DPP8: variants seen among roughly 807,000 people sequenced by gnomAD.
DPP8 encodes the protein dipeptidyl peptidase 8.
A neutral mutation model predicts 107.5 loss-of-function variants in DPP8; 31 were observed. That is an observed-to-expected ratio of 0.29 (90% CI 0.22 to 0.39). The LOEUF is 0.39. Among genes scored for constraint, DPP8 ranks in the 10% least tolerant of loss-of-function variants. DPP8 has a pLI of 1.00. For missense variants in DPP8, 842 were observed against 1,076.1 expected (o/e 0.78, Z 3.04); for synonymous variants, 381 against 356.6 (o/e 1.07, Z -0.77).
At chr15:65,449,706 G>A (rs1020379934) in intron 19 of DPP8, among the ~76,000 whole-genome samples, 5 of 152,038 alleles carry the variant, frequency 3.3e-5, no homozygotes, top group South Asian at 2.1e-4. Flanking sequence ...CACTGCGACC[G>A]GCCCCATTTC....
chr15:65,466,725 G>C lies in DPP8; in HGVS notation c.1778C>G (p.Pro593Arg). The change falls in exon 14 of 20, where the codon CCA becomes CGA. Residue 593 changes from proline to arginine, a missense_variant. Pro to Arg is a moderately radical substitution (Grantham distance 103). Coordinates refer to ENST00000300141, the MANE Select transcript of DPP8 (RefSeq NM_130434.5). ...LYKLSSPEDD[P>R]TCKTKEFWAT... ...CCAAAATTCCTTTGTTTTGCAAGTTGGGTCATCTTCAGGACTTGATAGCTT... is the reference window on the plus strand; with the variant it reads ...CCAAAATTCCTTTGTTTTGCAAGTTCGGTCATCTTCAGGACTTGATAGCTT... 6.2e-7 allele frequency: 1 copy of C among 1,614,028 alleles called. No homozygotes were observed. Among genetic ancestry groups the C allele is most frequent in the South Asian group, 1.1e-5 (1 of 91,076 alleles).
chr15:65,494,373 C>T (rs895418676), intron 5 of DPP8, among the ~76,000 whole-genome samples: 1 of 151,692 alleles, frequency 6.6e-6, no homozygotes, highest in Non-Finnish European at 1.5e-5. Flanking sequence ...GACACCATGT[C>T]TGGGTAATTT....
rs761320031 is a variant in DPP8, at chr15:65,456,297, C to A, written c.2046G>T (p.Val682=). The change falls in exon 16 of 20, where the codon GTG becomes GTT. Residue 682 remains valine (V), a synonymous_variant. Transcript: ENST00000300141. ...RLNTLASLGY[V]VVVIDNRGSC... ...ATCCCCTGTTGTCTATCACTACAACCACATAACCTAGAGAGGCTAGGGTAT... is the reference window on the plus strand; with the variant it reads ...ATCCCCTGTTGTCTATCACTACAACAACATAACCTAGAGAGGCTAGGGTAT... 21 of 1,613,940 alleles carry A rather than the reference C, an allele frequency of 1.3e-5. No individual in the cohort carries two copies. Among genetic ancestry groups the A allele is most frequent in the Non-Finnish European group, 1.7e-5 (20 of 1,179,984 alleles).
At position 65,512,341 on chromosome 15, in the gene DPP8, C is replaced by G. The variant is rs376559621; in HGVS notation, c.213G>C (p.Lys71Asn). Reference protein sequence around the residue: ...AKAPHDFMFVKRNDPDGPHSD... With the variant: ...AKAPHDFMFVNRNDPDGPHSD... ...AATGAGGTCCATCTGGATCATTCCTCTTCACAAACATGAAATCATGTGGTG... is the reference window on the plus strand; with the variant it reads ...AATGAGGTCCATCTGGATCATTCCTGTTCACAAACATGAAATCATGTGGTG... Residue 71 changes from lysine (K) to asparagine (N), a missense_variant, in exon 2 of 20, where the codon AAG (lysine) becomes AAC (asparagine). Physicochemically the swap from Lys to Asn is moderately conservative, Grantham distance 94. Coordinates refer to ENST00000300141, the MANE Select transcript of DPP8 (RefSeq NM_130434.5). The G allele has an allele frequency of 3.1e-6, 5 of 1,613,836 alleles. No homozygotes were observed. The African/African-American group carries it at 6.7e-5, about 22-fold the overall frequency.
At chr15:65,461,352 A>G (rs1453693428) in intron 15 of DPP8, among the ~76,000 whole-genome samples, 4 of 152,172 alleles carry the variant, frequency 2.6e-5, no homozygotes, top group Non-Finnish European at 4.4e-5. Context: ...TTTGTTGCTC[A>G]GGCTTGTCTC....
intron 11 of DPP8, among the ~76,000 whole-genome samples, chr15:65,477,706 G>C (rs767961400): frequency 2.4e-4 from 37 of 151,150 alleles, no homozygotes; most frequent in Non-Finnish European, 4.7e-4. Context: ...ATTTTTTTTT[G>C]TATTTTTAGT....
intron 5 of DPP8, among the ~76,000 whole-genome samples, chr15:65,490,531 A>G (rs2067922956): frequency 7.0e-6 from 1 of 143,518 alleles, no homozygotes; most frequent in Non-Finnish European, 1.5e-5. Flanking sequence ...TGTGAGGTTG[A>G]TATGAAGATT....
At chr15:65,515,592 G>A (rs367830760) in intron 1 of DPP8, 34 of 1,415,466 alleles carry the variant, frequency 2.4e-5, no homozygotes, top group Non-Finnish European at 2.6e-5. Flanking sequence ...TACCTTCTCA[G>A]CACAGTGCAT....
intron 15 of DPP8, among the ~76,000 whole-genome samples, chr15:65,461,705 A>T (rs1490295652): frequency 1.3e-5 from 2 of 151,726 alleles, no homozygotes; most frequent in African/African-American, 4.8e-5. Flanking sequence ...CTGGGTTCAA[A>T]CGATTCTCCT....
In DPP8 at chr15:65,507,368, G is replaced by C. The variant is rs1215635299; in HGVS notation, c.260-13C>G. Reference sequence around the variant, plus strand: ...TCACCAGACATGGCTATAGGAGAAAGCAATCATTTATTATTATTTTTTCGA... The same window carrying C: ...TCACCAGACATGGCTATAGGAGAAACCAATCATTTATTATTATTTTTTCGA... On this transcript the variant is annotated splice_polypyrimidine_tract_variant and intron_variant, in intron 2 of 19. Coordinates refer to ENST00000300141, the MANE Select transcript of DPP8 (RefSeq NM_130434.5). 3 of 1,495,094 alleles carry C rather than the reference G, an allele frequency of 2.0e-6. No homozygotes were observed. 92.6% of individuals were successfully genotyped at this position (1,495,094 alleles called of 1,614,324 possible). A position where few individuals can be genotyped will look rare whatever the true frequency, so the allele number is the denominator to read the frequency against.
intron 5 of DPP8, among the ~76,000 whole-genome samples, chr15:65,494,099 G>C (rs1387209208): frequency 1.3e-5 from 2 of 150,206 alleles, no homozygotes; most frequent in Non-Finnish European, 2.9e-5. Flanking sequence ...CCTGCTCAAG[G>C]CCACACAGTT....
chr15:65,503,650 T>G (rs2069530282), intron 3 of DPP8, among the ~76,000 whole-genome samples: 1 of 151,464 alleles, frequency 6.6e-6, no homozygotes, highest in South Asian at 2.1e-4. Context: ...TGAGATGAAG[T>G]CTTGCTCTGT....
intron 11 of DPP8, chr15:65,475,436 C>G (rs2066296065): frequency 6.4e-7 from 1 of 1,571,768 alleles, no homozygotes; most frequent in Non-Finnish European, 8.7e-7. Flanking sequence ...CTTATTATGG[C>G]ATTCAGGGAG....
At chr15:65,502,131 T>A (rs1284833432) in intron 3 of DPP8, among the ~76,000 whole-genome samples, 3 of 152,198 alleles carry the variant, frequency 2.0e-5, no homozygotes, top group Non-Finnish European at 4.4e-5. Flanking sequence ...CCTCAAGTGA[T>A]CTGCCCACCT....
chr15:65,462,801 G>A (rs576922726), intron 15 of DPP8, among the ~76,000 whole-genome samples: 1 of 152,052 alleles, frequency 6.6e-6, no homozygotes, highest in East Asian at 1.9e-4. Context: ...GGATGGTCTC[G>A]ATCTCCTGAC....
chr15:65,456,033 T>C (rs2064384321), intron 16 of DPP8, among the ~76,000 whole-genome samples, 192 bp downstream of exon 16: 1 of 152,138 alleles, frequency 6.6e-6, no homozygotes, highest in South Asian at 2.1e-4. Flanking sequence ...TCTATCTCAG[T>C]TCCCCAAAGT....
intron 19 of DPP8, among the ~76,000 whole-genome samples, chr15:65,449,443 T>G (rs1001753145): frequency 6.6e-6 from 1 of 151,752 alleles, no homozygotes; most frequent in Non-Finnish European, 1.5e-5. Context: ...CAGAGTCCAC[T>G]CTGTCACCCA....
chr15:65,505,217 T>C (rs2069808855), intron 3 of DPP8, among the ~76,000 whole-genome samples: 1 of 151,798 alleles, frequency 6.6e-6, no homozygotes, highest in Non-Finnish European at 1.5e-5. Flanking sequence ...TAGCTGGGCA[T>C]GGTGGTGGGA....
intron 5 of DPP8, among the ~76,000 whole-genome samples, chr15:65,497,514 A>C (rs553677628): frequency 6.6e-6 from 1 of 152,264 alleles, no homozygotes; most frequent in Admixed American, 6.6e-5. Flanking sequence ...TCAGCCTCCC[A>C]GAGTGCTAGG....
Sources: allele counts gnomAD v4.1 joint callset (sites outside exome capture counted in the v4.1 genomes callset), GRCh38; gene constraint gnomAD v4.1.1; transcripts MANE v1.5; gene names NCBI Gene and HGNC (gene_info 2026-07-23, HGNC 2026-07-21).